PPP2R5E: variants seen among roughly 807,000 people sequenced by gnomAD.
PPP2R5E encodes protein phosphatase 2 regulatory subunit B'epsilon, also known as serine/threonine-protein phosphatase 2A 56 kDa regulatory subunit epsilon isoform.
In PPP2R5E, 4 loss-of-function variants were observed where a neutral mutation model predicts 65.3. The observed-to-expected ratio is 0.06, with a 90% CI of 0.03 to 0.14. The LOEUF is 0.14. PPP2R5E is among the 10% of genes least tolerant of loss of function. The pLI is 1.00. For synonymous variants in PPP2R5E, 183 were observed against 187.4 expected, an observed-to-expected ratio of 0.98 and a Z score of 0.19; for missense variants, 274 against 556.1, an observed-to-expected ratio of 0.49 and a Z score of 5.10.
intron 2 of PPP2R5E, among the ~76,000 whole-genome samples, chr14:63,476,422 A>G (rs960022972): frequency 6.6e-6 from 1 of 152,166 alleles, no homozygotes; most frequent in African/African-American, 2.4e-5. Context: ...GCTCAAAAGT[A>G]TATTTCAGTA....
In PPP2R5E at chr14:63,433,096, G is replaced by A. The variant is rs1178567754; in HGVS notation, c.355-11002C>T. The stretch of plus-strand genomic sequence containing the variant: ...TGTGTCACCCAGGCTGGAGTGCAGT[G>A]GTGCGATTACAGCTCACCACAGCCT... On this transcript the variant is annotated intron_variant, in intron 3 of 13. Transcript: ENST00000337537. Among the ~76,000 whole-genome samples, 3 of 142,094 alleles carry A rather than the reference G, an allele frequency of 2.1e-5. No homozygotes were observed. The East Asian group carries it at 6.4e-4, about 30-fold the overall frequency. 93.2% of individuals were successfully genotyped at this position (142,094 alleles called of 152,430 possible). A position where few individuals can be genotyped will look rare whatever the true frequency, so the allele number is the denominator to read the frequency against.
chr14:63,402,884 G>C (rs879602406), intron 5 of PPP2R5E, among the ~76,000 whole-genome samples: 13 of 152,238 alleles, frequency 8.5e-5, no homozygotes, highest in Non-Finnish European at 1.3e-4. Flanking sequence ...TGTCAATATA[G>C]ATATGGTCCA....
chr14:63,394,075 T>C, intron 7 of PPP2R5E, 147 bp from the exon 8 acceptor site: 1 of 300,994 alleles, frequency 3.3e-6, no homozygotes, highest in East Asian at 1.2e-4. Context: ...ATTTCCTTTT[T>C]TTTTTTTTTT....
intron 11 of PPP2R5E, 137 bp downstream of exon 11, chr14:63,389,475 A>G (rs1884881855): frequency 9.8e-7 from 1 of 1,022,454 alleles, no homozygotes; most frequent in Non-Finnish European, 1.4e-6. Context: ...TAAGCTGGCC[A>G]CTATTAAAAT....
chr14:63,447,939 C>T (rs555279544), intron 3 of PPP2R5E, among the ~76,000 whole-genome samples: 1 of 152,296 alleles, frequency 6.6e-6, no homozygotes, highest in East Asian at 1.9e-4. Flanking sequence ...AGTCACAACA[C>T]ATACAACATT....
intron 4 of PPP2R5E, among the ~76,000 whole-genome samples, chr14:63,421,118 C>CGAAAAT (rs1366633684): frequency 3.2e-5 from 4 of 126,100 alleles, no homozygotes; most frequent in African/African-American, 1.1e-4. Context: ...TACATTTCTA[C>CGAAAAT]GAAAATGCAG....
At chr14:63,442,961 A>C (rs1365997671) in intron 3 of PPP2R5E, among the ~76,000 whole-genome samples, 1 of 152,228 alleles carries the variant, frequency 6.6e-6, no homozygotes, top group Non-Finnish European at 1.5e-5. Context: ...CCTTCAGCTA[A>C]TAATGTAGCG....
intron 2 of PPP2R5E, among the ~76,000 whole-genome samples, chr14:63,518,120 G>C (rs1380828732): frequency 6.6e-6 from 1 of 152,126 alleles, no homozygotes; most frequent in Admixed American, 6.6e-5. Context: ...CTGTCACCCA[G>C]GCTGTGTTGC....
chr14:63,408,479 C>T (rs1039206749), intron 5 of PPP2R5E, among the ~76,000 whole-genome samples: 1 of 152,152 alleles, frequency 6.6e-6, no homozygotes, highest in Non-Finnish European at 1.5e-5. Context: ...ACCTAAGGCG[C>T]TATTATGTTC....
chr14:63,485,628 G>C (rs1890948866), intron 2 of PPP2R5E, among the ~76,000 whole-genome samples: 1 of 151,714 alleles, frequency 6.6e-6, no homozygotes. Context: ...TGGTCAGGCT[G>C]GTCTCGAACT....
At chr14:63,529,308 G>A (rs1164633573) in intron 2 of PPP2R5E, among the ~76,000 whole-genome samples, 1 of 150,170 alleles carries the variant, frequency 6.7e-6, no homozygotes, top group Non-Finnish European at 1.5e-5. Context: ...GCCCACCTCA[G>A]CCTCCCAAAG....
At chr14:63,454,003 T>C (rs2139480084) in intron 2 of PPP2R5E, 118 bp from the exon 3 acceptor site, 1 of 803,756 alleles carries the variant, frequency 1.2e-6, no homozygotes, top group Admixed American at 3.6e-5. Context: ...ATGACAACAG[T>C]GTTCTTTTTC....
intron 3 of PPP2R5E, chr14:63,451,606 T>C (rs544715005): frequency 5.9e-5 from 9 of 152,358 alleles, no homozygotes; most frequent in African/African-American, 1.7e-4. Flanking sequence ...AGGGCAGTGA[T>C]GTATGGTATG....
rs1475300849 is a variant in PPP2R5E, at chr14:63,372,740, G to A, written c.*3269C>T. ...CTTTCCATAGTGTGATTGAGCCTAG[G>A]GCTATACATTTAAGTATAGCAGGTG... On this transcript the variant is annotated 3_prime_UTR_variant, in exon 14 of 14. Transcript: ENST00000337537. 1 of 151,726 alleles carries A rather than the reference G, an allele frequency of 6.6e-6. No homozygotes were observed. Among genetic ancestry groups the A allele is most frequent in the Non-Finnish European group, 1.5e-5 (1 of 67,932 alleles). 9.4% of individuals were successfully genotyped at this position (151,726 alleles called of 1,614,324 possible).
At chr14:63,428,606 C>T (rs1192606301) in intron 3 of PPP2R5E, among the ~76,000 whole-genome samples, 2 of 152,076 alleles carry the variant, frequency 1.3e-5, no homozygotes, top group African/African-American at 4.8e-5. Context: ...TTTTTCAGTA[C>T]ATTAGTTTAC....
At chr14:63,376,449 A>G (rs946670200) in intron 13 of PPP2R5E, among the ~76,000 whole-genome samples, 1 of 144,522 alleles carries the variant, frequency 6.9e-6, no homozygotes, top group Non-Finnish European at 1.5e-5. Context: ...TTCCCACCTC[A>G]TGCATATTTA....
chr14:63,444,597 A>C (rs1191420586), intron 3 of PPP2R5E, among the ~76,000 whole-genome samples: 4 of 152,182 alleles, frequency 2.6e-5, no homozygotes, highest in African/African-American at 9.6e-5. Context: ...CCCAAAAAAA[A>C]CATTTTCGAG....
intron 2 of PPP2R5E, chr14:63,507,999 G>T (rs17101259): frequency 0.13 from 35,278 of 262,552 alleles, 2,468 homozygotes; most frequent in African/African-American, 0.17. Flanking sequence ...GTTTGTATGA[G>T]TCCCCTTTGT....
intron 2 of PPP2R5E, among the ~76,000 whole-genome samples, chr14:63,496,422 C>A (rs1313182367): frequency 7.3e-6 from 1 of 136,644 alleles, no homozygotes; most frequent in Non-Finnish European, 1.5e-5. Flanking sequence ...CCAGCCCAGG[C>A]AACAGAGTAA....
Sources: gnomAD v4.1 joint callset for allele counts (sites outside exome capture counted in the v4.1 genomes callset) on GRCh38, gnomAD v4.1.1 for gene constraint, MANE v1.5 for transcripts, NCBI Gene and HGNC (gene_info 2026-07-23, HGNC 2026-07-21) for gene names.